Variants in HGS observed in about 807,000 individuals in gnomAD.
HGS encodes the protein hepatocyte growth factor-regulated tyrosine kinase substrate, also known as human growth factor-regulated tyrosine kinase substrate.
A neutral mutation model predicts 109.7 loss-of-function variants in HGS; 63 were observed. That is an observed-to-expected ratio of 0.57 (90% CI 0.47 to 0.71). The LOEUF is 0.71. Ranked by LOEUF, HGS falls within the 30% of genes least tolerant of loss-of-function variation. The pLI is 0.00. For missense variants in HGS, 995 were observed against 1,068.3 expected, an observed-to-expected ratio of 0.93 and a Z score of 0.96; for synonymous variants, 546 against 437.3, an observed-to-expected ratio of 1.25 and a Z score of -3.10.
chr17:81,694,998 G>A lies in HGS; in HGVS notation c.1050G>A (p.Ala350=), dbSNP rs769592816. 4.9e-5 allele frequency: 79 copies of A among 1,613,960 alleles called. No individual in the cohort carries two copies. The highest frequency in any genetic ancestry group is 6.2e-5 in the Non-Finnish European group (73 of 1,180,026). The change falls in exon 13 of 22, where the codon GCG becomes GCA. Residue 350 remains alanine, a synonymous_variant. Transcript: ENST00000329138. The part of the protein sequence containing the change: ...EEARKSPTPS[A]PVPLTEPAAQ... ...CTCGCAAGAGCCCCACGCCATCTGC[G>A]CCCGTGCCCCTGACGGAGCCGGCTG... is the stretch of plus-strand genomic sequence containing the variant.
intron 18 of HGS, among the ~76,000 whole-genome samples, chr17:81,699,549 C>T (rs2037202129): frequency 6.6e-6 from 1 of 152,198 alleles, no homozygotes; most frequent in Non-Finnish European, 1.5e-5. Context: ...CCTCAGCCTC[C>T]TGCGTAGCTG....
At chr17:81,696,278 C>T in intron 15 of HGS, 79 bp from the exon 16 acceptor site, 1 of 1,440,282 alleles carries the variant, frequency 6.9e-7, no homozygotes, top group Non-Finnish European at 9.2e-7. Context: ...CAGGGCGGCC[C>T]ATCTGCGTGT....
rs1282061291 is a variant in HGS, at chr17:81,686,184, G to A, written c.123-128G>A. 3 of 727,676 alleles carry A rather than the reference G, an allele frequency of 4.1e-6. No homozygotes were observed. The Admixed American group carries it at 6.9e-5, about 17-fold the overall frequency. 45.1% of individuals were successfully genotyped at this position (727,676 alleles called of 1,614,324 possible). ...GGGCTCAAGCAATCCTCCTGCCTTG[G>A]CCTCCCAAAGCACTGGGATTACAGG... On this transcript the variant is annotated intron_variant, in intron 2 of 21. Transcript: ENST00000329138.
Position 81,690,224 on chromosome 17 carries a change from C to A in HGS, c.458C>A (p.Ala153Asp). Residue 153 changes from alanine (A) to aspartate (D), a missense_variant, in exon 6 of 22, where the codon GCT (alanine) becomes GAT (aspartate). Ala to Asp is a moderately radical substitution (Grantham distance 126). Transcript: ENST00000329138. Reference sequence around the variant, plus strand: ...TTCAAAGAGAGCGATGCCATGTTTGCTGCCGAGAGAGTGAGTGTGGGCGGC... The same window carrying A: ...TTCAAAGAGAGCGATGCCATGTTTGATGCCGAGAGAGTGAGTGTGGGCGGC... Reference protein sequence around the residue: ...PEFKESDAMFAAERAPDWVDA... With the variant: ...PEFKESDAMFDAERAPDWVDA... 1 of 1,613,864 alleles carries A rather than the reference C, an allele frequency of 6.2e-7. No homozygotes were observed. The highest frequency in any genetic ancestry group is 8.5e-7 in the Non-Finnish European group (1 of 1,179,836).
At chr17:81,694,158 C>T (rs1465986014) in intron 11 of HGS, among the ~76,000 whole-genome samples, 193 bp downstream of exon 11, 1 of 152,158 alleles carries the variant, frequency 6.6e-6, no homozygotes. Context: ...GCTCCTGGTC[C>T]CTGGTTCGGC....
intron 18 of HGS, chr17:81,697,480 C>G (rs2037172179): frequency 6.5e-6 from 1 of 153,988 alleles, no homozygotes; most frequent in African/African-American, 2.4e-5. Flanking sequence ...CTGGTGTCTC[C>G]ACGCGGTGAC....
Position 81,690,749 on chromosome 17 carries a change from T to C in HGS, c.537+7T>C. ...CGGGGTGATGACCCGTAAGGTGAGT[T>C]CCCACCTGGGGGGCTCTACAGCCCC... is the stretch of plus-strand genomic sequence containing the variant. On this transcript the variant is annotated splice_region_variant and intron_variant, in intron 7 of 21. Transcript: ENST00000329138. 6.2e-7 allele frequency: 1 copy of C among 1,611,498 alleles called. No individual in the cohort carries two copies. The highest frequency in any genetic ancestry group is 1.1e-5 in the South Asian group (1 of 90,954).
In HGS at chr17:81,693,538, T is replaced by G. The variant is rs140893562; in HGVS notation, c.698T>G (p.Leu233Arg). ...AEGKATSTTELPPEYLTSPLS... is the reference protein window; with the variant it reads ...AEGKATSTTERPPEYLTSPLS... ...GGAAAGGCCACTTCCACCACTGAGC[T>G]GCCCCCCGAGTACCTGACCAGCCCC... The change falls in exon 9 of 22, where the codon CTG becomes CGG. Residue 233 changes from leucine to arginine, a missense_variant. Transcript: ENST00000329138. 69 of 1,613,240 alleles carry G rather than the reference T, an allele frequency of 4.3e-5. No individual in the cohort carries two copies. The highest frequency in any genetic ancestry group is 5.6e-5 in the Non-Finnish European group (66 of 1,179,698).
rs531974907 is a variant in HGS, at chr17:81,699,511, C to T, written c.1883-956C>T. ...TGCGACGTCAGCTCACGGCATTCTC[C>T]GCCTCCCAGGTTCAAGCAATTCTCC... On this transcript the variant is annotated intron_variant, in intron 18 of 21. Transcript: ENST00000329138. Among the ~76,000 whole-genome samples the T allele has an allele frequency of 2.2e-4, 33 of 152,354 alleles. No homozygotes were observed. The East Asian group carries it at 5.4e-3, about 25-fold the overall frequency.
chr17:81,700,606 CAGGA>C lies in HGS; in HGVS notation c.2016+10_2016+13del, dbSNP rs1408992434. On this transcript the variant is annotated splice_region_variant and intron_variant, in intron 19 of 21. Transcript: ENST00000329138. ...CTCCCACAGCGGGCTACCAGGTACA[CAGGA>C]AGGCCGCTCCTCTCCTTCCAGGGCC... 1.9e-6 allele frequency: 3 copies of C among 1,599,546 alleles called. No homozygotes were observed. Among genetic ancestry groups the C allele is most frequent in the Non-Finnish European group, 1.7e-6 (2 of 1,171,718 alleles).
rs1055781872 is a variant in HGS at position 81,701,717 on chromosome 17, G to A, written c.*99G>A. 13 of 1,462,076 alleles carry A rather than the reference G, an allele frequency of 8.9e-6. No individual in the cohort carries two copies. Among genetic ancestry groups the A allele is most frequent in the East Asian group, 7.6e-5 (3 of 39,502 alleles). The allele number at this position is 1,462,076 out of a possible 1,614,324, so 90.6% of individuals were successfully genotyped here. On this transcript the variant is annotated 3_prime_UTR_variant, in exon 22 of 22. Transcript: ENST00000329138. ...TCCTGCCTCCCTGTCCTCTACTGCC[G>A]GTAGTGTCCCTTCTCTGCGAGTGAG... is the stretch of plus-strand genomic sequence containing the variant.
Position 81,687,532 on chromosome 17 carries a change from G to T in HGS, c.291+437G>T, listed in dbSNP as rs2036998620. Among the ~76,000 whole-genome samples the T allele has an allele frequency of 1.3e-5, 2 of 152,328 alleles. 1 individual carries two copies. Among genetic ancestry groups the T allele is most frequent in the South Asian group, 4.1e-4 (2 of 4,834 alleles). On this transcript the variant is annotated intron_variant, in intron 4 of 21. Transcript: ENST00000329138. Reference sequence around the variant, plus strand: ...GGGCCTGGGAGGGCTCTGAGCGGGGGCTTGTAAGATCGGATGTGTCTGGCG... The same window carrying T: ...GGGCCTGGGAGGGCTCTGAGCGGGGTCTTGTAAGATCGGATGTGTCTGGCG...
chr17:81,685,162 C>T (rs2144480249), intron 1 of HGS: 1 of 694,138 alleles, frequency 1.4e-6, no homozygotes, highest in Non-Finnish European at 1.8e-6. Context: ...CACTGCAGGC[C>T]TCTCTAGCCC....
At position 81,697,090 on chromosome 17, in the gene HGS, G is replaced by A. The variant is rs979559713; in HGVS notation, c.1882+92G>A. On this transcript the variant is annotated intron_variant, in intron 18 of 21. Transcript: ENST00000329138. ...AAAAGCAGTAAGAATGGTGCGAAGG[G>A]TTTTCCCAGTTGCCCCGATGTGAAT... The A allele has an allele frequency of 5.3e-6, 7 of 1,329,830 alleles. No homozygotes were observed. In the African/African-American group the frequency reaches 5.9e-5, roughly 11 times the overall value. 82.4% of individuals were successfully genotyped at this position (1,329,830 alleles called of 1,614,324 possible).
chr17:81,690,956 T>G, intron 7 of HGS: 1 of 537,880 alleles, frequency 1.9e-6, no homozygotes, highest in Non-Finnish European at 3.3e-6. Flanking sequence ...CCAGCCTCAC[T>G]CTGGAATTAT....
intron 18 of HGS, 39 bp downstream of exon 18, chr17:81,697,037 CTCG>C (rs780928312): frequency 4.0e-6 from 6 of 1,502,540 alleles, no homozygotes; most frequent in Non-Finnish European, 5.3e-6. Context: ...CCTTTTATCC[CTCG>C]TCTTTATTTT....
At chr17:81,701,370 T>A (rs1405191918) in intron 21 of HGS, 138 bp from the exon 22 acceptor site, 2 of 1,001,450 alleles carry the variant, frequency 2.0e-6, no homozygotes, top group Admixed American at 2.5e-5. Context: ...AAAGGCCGCA[T>A]GAGCTGGCTG....
At chr17:81,699,142 T>G (rs986821016) in intron 18 of HGS, among the ~76,000 whole-genome samples, 13 of 152,238 alleles carry the variant, frequency 8.5e-5, no homozygotes, top group African/African-American at 3.1e-4. Context: ...TCTTTTGCAT[T>G]GTTTTCAATA....
rs768085790 is a variant in HGS at position 81,695,947 on chromosome 17, C to T, written c.1341C>T (p.Asn447=). 1.0e-5 allele frequency: 16 copies of T among 1,584,386 alleles called. No individual in the cohort carries two copies. Among genetic ancestry groups the T allele is most frequent in the East Asian group, 6.7e-5 (3 of 44,468 alleles). The change falls in exon 15 of 22, where the codon AAC becomes AAT. Residue 447 remains asparagine (N), a synonymous_variant. Coordinates refer to ENST00000329138, the MANE Select transcript of HGS (RefSeq NM_004712.5). ...SAVLSLFQSI[N]GMHPQLLELL... ...TGCTCTCACTCTTCCAGTCCATCAA[C>T]GGCATGCACCCGCAGCTGCTGGAGC...
Sources: gnomAD v4.1 joint callset for allele counts (sites outside exome capture counted in the v4.1 genomes callset) on GRCh38, gnomAD v4.1.1 for gene constraint, MANE v1.5 for transcripts, NCBI Gene and HGNC (gene_info 2026-07-23, HGNC 2026-07-21) for gene names.